The following CIB1 variants were observed in gnomAD, a reference collection of about 807,000 sequenced individuals.
The protein encoded by CIB1 is calcium and integrin binding 1, also known as calcium and integrin-binding protein 1.
A neutral mutation model predicts 25.0 loss-of-function variants in CIB1; 19 were observed. The observed-to-expected ratio is 0.76, with a 90% confidence interval of 0.53 to 1.12. CIB1 has a LOEUF of 1.12. CIB1 is among the 50% of genes most tolerant of loss of function. The pLI, the probability that CIB1 is intolerant of heterozygous loss-of-function variation, is 0.00. For synonymous variants in CIB1, 104 were observed against 98.5 expected, an observed-to-expected ratio of 1.06 and a Z score of -0.33; for missense variants, 236 against 242.6, an observed-to-expected ratio of 0.97 and a Z score of 0.18.
At chr15:90,242,134 C>T in the CIB1 span, 1 of 1,313,234 alleles carries the variant, frequency 7.6e-7, no homozygotes, top group Non-Finnish European at 1.0e-6. Flanking sequence ...TGTCCCCAGG[C>T]TAGAGTGTAG....
At chr15:90,249,171 T>C in the CIB1 span, among the ~76,000 whole-genome samples, 3 of 140,426 alleles carry the variant, frequency 2.1e-5, no homozygotes, top group Non-Finnish European at 4.5e-5. Flanking sequence ...TGATGGTGCA[T>C]TCCACTGCAC....
upstream of CIB1, among the ~76,000 whole-genome samples, chr15:90,237,664 C>T (rs1567071551): frequency 6.6e-6 from 1 of 152,066 alleles, no homozygotes; most frequent in Non-Finnish European, 1.5e-5. Context: ...TGTTGGCCAT[C>T]TTTATATCTT....
the CIB1 span, among the ~76,000 whole-genome samples, chr15:90,251,953 C>T: frequency 2.0e-5 from 3 of 152,078 alleles, no homozygotes; most frequent in African/African-American, 7.2e-5. Flanking sequence ...TAGCTTAATG[C>T]AGCCTTGAAC....
intron 2 of CIB1, among the ~76,000 whole-genome samples, chr15:90,233,242 T>A (rs1962545690): frequency 6.6e-6 from 1 of 152,266 alleles, no homozygotes; most frequent in Non-Finnish European, 1.5e-5. Context: ...AGGCAACCAT[T>A]TAGCACAGTC....
In CIB1 at chr15:90,233,660, A is replaced by T; in HGVS notation, c.86+9T>A. 6.3e-7 allele frequency: 1 copy of T among 1,575,578 alleles called. No individual in the cohort carries two copies. Among genetic ancestry groups the T allele is most frequent in the Non-Finnish European group, 8.6e-7 (1 of 1,160,284 alleles). On this transcript the variant is annotated intron_variant, in intron 2 of 6. Coordinates refer to ENST00000328649, the MANE Select transcript of CIB1 (RefSeq NM_006384.4). The stretch of plus-strand genomic sequence containing the variant: ...CGGGGTCGGAGGCAGGGTTCAAGGC[A>T]GCACTTACAGGAGGATCTCCTGCTT...
upstream of CIB1, among the ~76,000 whole-genome samples, chr15:90,235,268 T>C (rs961667616): frequency 6.6e-6 from 1 of 152,178 alleles, no homozygotes. Context: ...CATTCCATCA[T>C]TGTAGAAATA....
chr15:90,253,746 C>T, the CIB1 span, among the ~76,000 whole-genome samples: 1 of 152,172 alleles, frequency 6.6e-6, no homozygotes, highest in African/African-American at 2.4e-5. Flanking sequence ...TTTAGCATTC[C>T]ACATCCATTA....
chr15:90,237,021 C>T (rs148687529), upstream of CIB1, among the ~76,000 whole-genome samples: 3,671 of 150,962 alleles, frequency 0.024, 141 homozygotes, highest in African/African-American at 0.081. Context: ...TGCAGTGGTG[C>T]GATCTTAGCT....
the CIB1 span, chr15:90,245,568 A>G: frequency 6.6e-6 from 1 of 151,914 alleles, no homozygotes; most frequent in African/African-American, 2.4e-5. Context: ...TTTCCTTAAT[A>G]CTTTTTGCAA....
At chr15:90,254,132 G>A in the CIB1 span, among the ~76,000 whole-genome samples, 18 of 151,774 alleles carry the variant, frequency 1.2e-4, no homozygotes, top group African/African-American at 4.1e-4. Flanking sequence ...GGTGGAGGTT[G>A]CAGTGAGCAG....
the CIB1 span, chr15:90,257,003 T>C: frequency 2.4e-6 from 2 of 849,106 alleles, no homozygotes; most frequent in Non-Finnish European, 3.6e-6. Context: ...ATTTATTAAG[T>C]GGGAGTAATA....
chr15:90,241,504 C>T, the CIB1 span: 30 of 1,613,746 alleles, frequency 1.9e-5, no homozygotes, highest in South Asian at 4.4e-5. Context: ...AGCTTACACC[C>T]GGGCTTCCGT....
At chr15:90,242,350 C>A in the CIB1 span, 1 of 203,376 alleles carries the variant, frequency 4.9e-6, no homozygotes, top group South Asian at 1.5e-4. Flanking sequence ...GTCTTGAACT[C>A]TTGGGCTGAA....
chr15:90,258,906 A>G, the CIB1 span: 3 of 1,614,204 alleles, frequency 1.9e-6, no homozygotes, highest in East Asian at 6.7e-5. Context: ...TTCCAGTGCT[A>G]CCGACAGCCA....
chr15:90,256,567 T>TTC, the CIB1 span, among the ~76,000 whole-genome samples: 30 of 30,436 alleles, frequency 9.9e-4, no homozygotes, highest in African/African-American at 3.6e-3. Context: ...CTTTCTTTCT[T>TTC]TCTTTCTTTC....
the CIB1 span, chr15:90,256,162 C>T: frequency 8.7e-6 from 14 of 1,614,042 alleles, no homozygotes; most frequent in African/African-American, 1.3e-5. Flanking sequence ...TCCAGTCCTA[C>T]GGTCGTCAGC....
At chr15:90,244,007 G>C in the CIB1 span, 1 of 149,532 alleles carries the variant, frequency 6.7e-6, no homozygotes, top group African/African-American at 2.5e-5. Context: ...GCAGTGGTGT[G>C]ATCTCGGCTC....
At chr15:90,264,609 G>C in the CIB1 span, 1 of 1,254,282 alleles carries the variant, frequency 8.0e-7, no homozygotes, top group Non-Finnish European at 1.1e-6. Context: ...ACAGTGGAGG[G>C]AAGCATGAGA....
At chr15:90,248,718 CAAAAAAAAAAAAAAAAAAAAAAAAA>C in the CIB1 span, among the ~76,000 whole-genome samples, 1 of 27,766 alleles carries the variant, frequency 3.6e-5, no homozygotes, top group Admixed American at 6.0e-4. Context: ...GACCCTGTCT[CAAAAAAAAAAAAAAAAAAAAAAAAA>C]AAAAAAAAAA....
Sources: gnomAD v4.1 joint callset for allele counts (sites outside exome capture counted in the v4.1 genomes callset) on GRCh38, gnomAD v4.1.1 for gene constraint, MANE v1.5 for transcripts, NCBI Gene and HGNC (gene_info 2026-07-23, HGNC 2026-07-21) for gene names.